Variants in TIAM2 observed in about 807,000 individuals in gnomAD.
TIAM2 encodes TIAM Rac1 associated GEF 2.
TIAM2 carries 80 observed loss-of-function variants against 152.9 expected under a neutral mutation model. That is an observed-to-expected ratio of 0.52 (90% CI 0.44 to 0.63). The LOEUF (loss-of-function observed/expected upper bound fraction) is 0.63, where lower values mean the gene tolerates loss of function less well. Ranked by LOEUF, TIAM2 falls within the 30% of genes least tolerant of loss-of-function variation. TIAM2 has a pLI of 0.00. For missense variants in TIAM2, 1,965 were observed against 2,120.1 expected (o/e 0.93, Z 1.44); for synonymous variants, 804 against 838.0 (o/e 0.96, Z 0.70).
intron 14 of TIAM2, among the ~76,000 whole-genome samples, chr6:155,207,767 C>G (rs1781628768): frequency 6.6e-6 from 1 of 152,224 alleles, no homozygotes; most frequent in African/African-American, 2.4e-5. Context: ...TATTCTCTTA[C>G]CAGGTACACG....
chr6:155,142,151 C>T (rs908553191), intron 5 of TIAM2, among the ~76,000 whole-genome samples: 8 of 152,298 alleles, frequency 5.3e-5, no homozygotes, highest in South Asian at 2.1e-4. Flanking sequence ...TTCACTGACA[C>T]GGGTGCAGCC....
chr6:155,251,174 G>C (rs1783634250), intron 22 of TIAM2, among the ~76,000 whole-genome samples, 153 bp downstream of exon 22: 2 of 152,204 alleles, frequency 1.3e-5, no homozygotes. Context: ...CCAACTATTT[G>C]AAACTCCGGC....
At chr6:155,030,935 A>T (rs1776810326) in intron 1 of TIAM2, among the ~76,000 whole-genome samples, 1 of 152,172 alleles carries the variant, frequency 6.6e-6, no homozygotes, top group African/African-American at 2.4e-5. Flanking sequence ...CCTCTGGCAT[A>T]GTAATGGTGC....
Position 155,257,225 on chromosome 6 carries a change from G to C in TIAM2, c.*104G>C. ...AAAAAAAAAAAACTGTTCATTCCTG[G>C]GTTTTGTGCAGTATACATTTTCCCA... On this transcript the variant is annotated 3_prime_UTR_variant, in exon 27 of 27. Transcript: ENST00000682666. The C allele has an allele frequency of 1.6e-6, 2 of 1,262,136 alleles. No individual in the cohort carries two copies. The highest frequency in any genetic ancestry group is 1.5e-5 in the African/African-American group (1 of 65,520). The allele number at this position is 1,262,136 out of a possible 1,614,324, so 78.2% of individuals were successfully genotyped here. A position where few individuals can be genotyped will look rare whatever the true frequency, so the allele number is the denominator to read the frequency against.
At position 155,213,466 on chromosome 6, in the gene TIAM2, CTCTT is replaced by C. The variant is rs1781770425; in HGVS notation, c.3168+2161_3168+2164del. Among the ~76,000 whole-genome samples, 1 of 152,148 alleles carries C rather than the reference CTCTT, an allele frequency of 6.6e-6. No individual in the cohort carries two copies. Among genetic ancestry groups the C allele is most frequent in the African/African-American group, 2.4e-5 (1 of 41,436 alleles). On this transcript the variant is annotated intron_variant, in intron 15 of 26. Coordinates refer to ENST00000682666, the MANE Select transcript of TIAM2 (RefSeq NM_012454.4). The surrounding 1 kb of genome is among the most constrained non-coding windows in gnomAD (Gnocchi z 4.2). ...TCTCCTCAGCTGGTTGTCTCATTGT[CTCTT>C]TGAGTCTGGCTGAGTCCAGGGCTCA...
chr6:155,166,763 A>C (rs1780449746), intron 9 of TIAM2, among the ~76,000 whole-genome samples: 1 of 152,226 alleles, frequency 6.6e-6, no homozygotes, highest in South Asian at 2.1e-4. Context: ...GTGCATGATA[A>C]TGGACTTTAT....
Position 155,029,654 on chromosome 6 carries a change from T to C in TIAM2, c.-209+34162T>C, listed in dbSNP as rs191878494. On this transcript the variant is annotated intron_variant, in intron 1 of 26. Coordinates refer to ENST00000682666, the MANE Select transcript of TIAM2 (RefSeq NM_012454.4). ...CTATATATAGTTATATAACTATATA[T>C]AGAGTTATATAACTATATACAGAGT... Among the ~76,000 whole-genome samples the C allele has an allele frequency of 2.3e-3, 208 of 89,950 alleles. 6 individuals are homozygous for C. The highest frequency in any genetic ancestry group is 6.2e-3 in the African/African-American group (152 of 24,458). The allele number at this position is 89,950 out of a possible 152,430, so 59.0% of individuals were successfully genotyped here. A position where few individuals can be genotyped will look rare whatever the true frequency, so the allele number is the denominator to read the frequency against.
rs760957354 is a variant in TIAM2 at position 155,253,050 on chromosome 6, G to A, written c.4222G>A (p.Ala1408Thr). Residue 1408 changes from alanine (A) to threonine (T), a missense_variant, in exon 24 of 27, where the codon GCA (alanine) becomes ACA (threonine). Around this residue, in one of 3 missense-constraint regions of TIAM2, gnomAD observed 935 missense variants for 980.0 expected, o/e 0.95. Coordinates refer to ENST00000682666, the MANE Select transcript of TIAM2 (RefSeq NM_012454.4). ...GCTTCAAGTCAGACTGGGGAATCCA[G>A]CAGGTAACTGTTTCGTGCAGTATGA... The part of the protein sequence containing the change: ...SALQVRLGNP[A>T]GTENNSIWEL... 11 of 1,613,492 alleles carry A rather than the reference G, an allele frequency of 6.8e-6. No homozygotes were observed. In the Admixed American group the frequency reaches 1.8e-4, roughly 27 times the overall value.
intron 2 of TIAM2, among the ~76,000 whole-genome samples, chr6:155,117,296 C>T (rs7745045): frequency 0.43 from 64,569 of 151,454 alleles, 15,531 homozygotes; most frequent in East Asian, 0.66. Flanking sequence ...TGTTTAAATT[C>T]CCTGAAATAT....
intron 15 of TIAM2, among the ~76,000 whole-genome samples, chr6:155,226,786 T>G (rs1463999091): frequency 6.6e-6 from 1 of 152,240 alleles, no homozygotes; most frequent in Non-Finnish European, 1.5e-5. Flanking sequence ...CATAGTCCCT[T>G]TCATTCCCCC....
intron 1 of TIAM2, among the ~76,000 whole-genome samples, chr6:155,042,915 T>C (rs560321269): frequency 2.2e-4 from 34 of 152,246 alleles, no homozygotes; most frequent in African/African-American, 8.2e-4. Flanking sequence ...TCCTCAATCT[T>C]CCCTCCCTCC....
At chr6:155,146,314 A>G (rs1466886827) in intron 6 of TIAM2, among the ~76,000 whole-genome samples, 1 of 152,152 alleles carries the variant, frequency 6.6e-6, no homozygotes, top group Non-Finnish European at 1.5e-5. Context: ...TCAGGAGGTC[A>G]AGGTTACAAT....
intron 1 of TIAM2, among the ~76,000 whole-genome samples, chr6:155,044,588 G>A (rs1235878734): frequency 6.6e-6 from 1 of 152,092 alleles, no homozygotes; most frequent in African/African-American, 2.4e-5. Context: ...AGGCAGAGGT[G>A]GGTGGATCAT....
chr6:155,209,715 T>TCA (rs1781677756), intron 14 of TIAM2, among the ~76,000 whole-genome samples: 2 of 152,168 alleles, frequency 1.3e-5, no homozygotes, highest in Non-Finnish European at 2.9e-5. Flanking sequence ...GATTAGGGTG[T>TCA]CGGAAGAGGT....
At chr6:155,091,369 C>G (rs1050034117) in intron 2 of TIAM2, among the ~76,000 whole-genome samples, 7 of 152,184 alleles carry the variant, frequency 4.6e-5, no homozygotes, top group Admixed American at 1.3e-4. Context: ...TCACCTGTCT[C>G]CAGAGCCCAC....
intron 4 of TIAM2, among the ~76,000 whole-genome samples, chr6:155,133,932 G>T (rs1334600606): frequency 6.6e-6 from 1 of 152,054 alleles, no homozygotes; most frequent in African/African-American, 2.4e-5. Flanking sequence ...GGTCAGGCTG[G>T]TCTCGAACTC....
At position 155,137,184 on chromosome 6, in the gene TIAM2, G is replaced by A; in HGVS notation, c.1202G>A (p.Arg401Lys). Residue 401 changes from arginine (R) to lysine (K), a missense_variant, in exon 5 of 27, where the codon AGG (arginine) becomes AAG (lysine). By Grantham distance (26) the Arg-to-Lys change is conservative (BLOSUM62 2). Coordinates refer to ENST00000682666, the MANE Select transcript of TIAM2 (RefSeq NM_012454.4). The stretch of plus-strand genomic sequence containing the variant: ...CATGTGTGTTTCTCACAGGAGCCGA[G>A]GTCCAAGGAGGGCAGTGACTACTTT... Reference protein sequence around the residue: ...SRKKRKLQEPRSKEGSDYFDS... With the variant: ...SRKKRKLQEPKSKEGSDYFDS... The A allele has an allele frequency of 6.2e-7, 1 of 1,612,124 alleles. No homozygotes were observed. The highest frequency in any genetic ancestry group is 1.1e-5 in the South Asian group (1 of 91,022).
At chr6:155,102,000 C>CT (rs962833078) in intron 2 of TIAM2, among the ~76,000 whole-genome samples, 29 of 143,972 alleles carry the variant, frequency 2.0e-4, no homozygotes, top group Non-Finnish European at 3.5e-4. Flanking sequence ...CCGTGCCGGC[C>CT]TTTTTTTTTT....
chr6:155,220,521 GGCACCTA>G (rs1232252789), intron 15 of TIAM2, among the ~76,000 whole-genome samples: 1 of 152,184 alleles, frequency 6.6e-6, no homozygotes, highest in Non-Finnish European at 1.5e-5. Flanking sequence ...TAAGGATGAT[GGCACCTA>G]GCACACAGTG....
Sources: gnomAD v4.1 joint callset for allele counts (sites outside exome capture counted in the v4.1 genomes callset) on GRCh38, gnomAD v4.1.1 for gene constraint, gnomAD v4.1.1 regional missense constraint, Gnocchi (gnomAD v3.1) non-coding constraint, MANE v1.5 for transcripts, NCBI Gene and HGNC (gene_info 2026-07-23, HGNC 2026-07-21) for gene names.